Variants in DGKK observed in about 807,000 individuals in gnomAD.
The protein encoded by DGKK is 142 kDa diacylglycerol kinase.
Under a neutral mutation model 92.2 loss-of-function variants are expected in DGKK, and 35 were observed. The ratio of observed to expected loss-of-function variants is 0.38; its 90% CI spans 0.29 to 0.50. The LOEUF is 0.50. Among genes scored for constraint, DGKK ranks in the 20% least tolerant of loss-of-function variants. The pLI is 0.92. For missense variants in DGKK, 910 were observed against 992.2 expected, an observed-to-expected ratio of 0.92 and a Z score of 1.11; for synonymous variants, 368 against 360.6, an observed-to-expected ratio of 1.02 and a Z score of -0.23.
chrX:50,408,599 G>A (rs1557227546), intron 4 of DGKK, among the ~76,000 whole-genome samples: 1 of 110,028 alleles, frequency 9.1e-6, no homozygotes, highest in African/African-American at 3.3e-5. Flanking sequence ...TAGCCAGGAT[G>A]GTCTCGATCT....
chrX:50,463,914 T>G (rs868972466), intron 1 of DGKK, among the ~76,000 whole-genome samples: 1 of 110,695 alleles, frequency 9.0e-6, no homozygotes, highest in African/African-American at 3.3e-5. Context: ...CTTTTCTATT[T>G]GTTCTCAAAT....
chrX:50,436,796 T>C (rs940776071), intron 1 of DGKK, among the ~76,000 whole-genome samples: 1 of 110,392 alleles, frequency 9.1e-6, no homozygotes, highest in Admixed American at 9.6e-5. Context: ...AGTAGTAAAC[T>C]TGTTCTGGCC....
At chrX:50,387,374 C>G (rs1183995000) in intron 14 of DGKK, among the ~76,000 whole-genome samples, 180 bp downstream of exon 14, 3 of 111,402 alleles carry the variant, frequency 2.7e-5, no homozygotes, top group Non-Finnish European at 5.7e-5. Flanking sequence ...AGAGCGCCAT[C>G]CTTCATTTAG....
Position 50,421,272 on chromosome X carries a change from A to G in DGKK, c.838-765T>C, listed in dbSNP as rs782387919. Among the ~76,000 whole-genome samples the G allele has an allele frequency of 8.0e-5, 9 of 111,872 alleles. No individual in the cohort carries two copies. In the South Asian group the frequency reaches 3.4e-3, roughly 42 times the overall value. ...CTTTTCCCAGAGGGCAGGAGGGATC[A>G]TGGATAGCTACAGCATCAGTCATTG... On this transcript the variant is annotated intron_variant, in intron 3 of 27. Transcript: ENST00000611977.
In DGKK at chrX:50,386,390, G is replaced by A. The variant is rs2147122455; in HGVS notation, c.2315C>T (p.Ser772Phe). ...AACTTGAAATATGATGAGTTTCAAG[G>A]ATTTCTGGAGACTCTGGGCCTTTGT... Reference protein sequence around the residue: ...LATKAQSLQKSLKLIIFQVEQ... With the variant: ...LATKAQSLQKFLKLIIFQVEQ... Residue 772 changes from serine (S) to phenylalanine (F), a missense_variant, in exon 15 of 28, where the codon TCC (serine) becomes TTC (phenylalanine). Ser to Phe is a radical substitution (Grantham distance 155). Transcript: ENST00000611977. 8.3e-7 allele frequency: 1 copy of A among 1,210,091 alleles called. No homozygotes were observed. Among genetic ancestry groups the A allele is most frequent in the Non-Finnish European group, 1.1e-6 (1 of 894,390 alleles).
intron 1 of DGKK, among the ~76,000 whole-genome samples, chrX:50,430,510 A>G (rs1925860767): frequency 9.0e-6 from 1 of 111,636 alleles, no homozygotes; most frequent in African/African-American, 3.3e-5. Flanking sequence ...TAATTAGTCT[A>G]TTGTCCCGAA....
At chrX:50,374,644 C>A (rs183401360) in intron 25 of DGKK, among the ~76,000 whole-genome samples, 52 of 111,407 alleles carry the variant, frequency 4.7e-4, no homozygotes, top group African/African-American at 1.7e-3. Flanking sequence ...AGGTACAAAG[C>A]AGCTCAAAAT....
At chrX:50,459,153 C>A (rs183615592) in intron 1 of DGKK, among the ~76,000 whole-genome samples, 21 of 111,628 alleles carry the variant, frequency 1.9e-4, no homozygotes, top group Admixed American at 4.8e-4. Flanking sequence ...CCCACCACAT[C>A]TAAAAGTCCC....
At chrX:50,453,993 T>TA (rs11307283) in intron 1 of DGKK, among the ~76,000 whole-genome samples, 9 of 102,406 alleles carry the variant, frequency 8.8e-5, no homozygotes, top group Admixed American at 2.1e-4. Context: ...CCTTCAGGCT[T>TA]AAAAAAAAAA....
At chrX:50,371,603 G>A in intron 26 of DGKK, 121 bp downstream of exon 26, 1 of 494,604 alleles carries the variant, frequency 2.0e-6, no homozygotes, top group Non-Finnish European at 3.4e-6. Flanking sequence ...GTAACCTTCA[G>A]TTTAAAGCCA....
At chrX:50,376,711 A>G (rs1217035970) in intron 23 of DGKK, 47 bp downstream of exon 23, 2 of 1,102,081 alleles carry the variant, frequency 1.8e-6, no homozygotes, top group Non-Finnish European at 2.4e-6. Context: ...TCTTCTCCCT[A>G]TGCCTTCTTA....
intron 21 of DGKK, 114 bp from the exon 22 acceptor site, chrX:50,378,346 G>T: frequency 2.0e-6 from 2 of 999,704 alleles, no homozygotes; most frequent in Non-Finnish European, 2.7e-6. Flanking sequence ...GACTGGAAAG[G>T]ATGTGAATCA....
chrX:50,369,637 C>T (rs1387477623), intron 27 of DGKK, among the ~76,000 whole-genome samples: 1 of 109,681 alleles, frequency 9.1e-6, no homozygotes, highest in East Asian at 2.9e-4. Context: ...TGACAGCTCT[C>T]TGCAGCCTCA....
rs781981445 is a variant in DGKK, at chrX:50,470,063, T to C, written c.616A>G (p.Arg206Gly). 19 of 1,206,455 alleles carry C rather than the reference T, an allele frequency of 1.6e-5. No individual in the cohort carries two copies. Among genetic ancestry groups the C allele is most frequent in the Middle Eastern group, 4.6e-4 (2 of 4,319 alleles). ...ATTCTGGACCACGACATTGGCGTTCTGGGCGATGGCGATGGCGATGGCGAT... is the reference window on the plus strand; with the variant it reads ...ATTCTGGACCACGACATTGGCGTTCCGGGCGATGGCGATGGCGATGGCGAT... The part of the protein sequence containing the change: ...SPSPSPSPSP[R>G]TPMSWSRIKK... Residue 206 changes from arginine (R) to glycine (G), a missense_variant, in exon 1 of 28, where the codon AGA becomes GGA. Arg to Gly is a moderately radical substitution (Grantham distance 125). Transcript: ENST00000611977.
chrX:50,371,917 G>A (rs921199390), intron 25 of DGKK, 83 bp from the exon 26 acceptor site: 21 of 593,884 alleles, frequency 3.5e-5, no homozygotes, highest in Non-Finnish European at 5.6e-5. Context: ...CCCAGTCCCT[G>A]CTAGTGACCA....
intron 27 of DGKK, 145 bp from the exon 28 acceptor site, chrX:50,369,164 G>A: frequency 2.4e-6 from 1 of 415,177 alleles, no homozygotes; most frequent in Non-Finnish European, 4.0e-6. Context: ...GAATCATCAG[G>A]GAAAACCAGC....
At chrX:50,408,336 A>AT (rs368557138) in intron 4 of DGKK, among the ~76,000 whole-genome samples, 3 of 111,466 alleles carry the variant, frequency 2.7e-5, no homozygotes, top group African/African-American at 6.5e-5. Flanking sequence ...TGGGTTGCCA[A>AT]TTTTTTTTTA....
chrX:50,380,110 G>T, intron 18 of DGKK, 33 bp from the exon 19 acceptor site: 1 of 1,072,330 alleles, frequency 9.3e-7, no homozygotes, highest in African/African-American at 1.8e-5. Flanking sequence ...AAAGCAGAGG[G>T]TGAATGATAT....
chrX:50,417,270 C>T (rs984274461), intron 4 of DGKK, among the ~76,000 whole-genome samples: 3 of 109,996 alleles, frequency 2.7e-5, no homozygotes. Flanking sequence ...GTTATTTCAA[C>T]TAGACCAAAG....
Sources: gnomAD v4.1 joint callset for allele counts (sites outside exome capture counted in the v4.1 genomes callset) on GRCh38, gnomAD v4.1.1 for gene constraint, MANE v1.5 for transcripts, NCBI Gene and HGNC (gene_info 2026-07-23, HGNC 2026-07-21) for gene names.